The following ELMOD1 variants were observed in gnomAD, a reference collection of about 807,000 sequenced individuals.
ELMOD1 encodes the protein ELMO domain containing 1.
Under a neutral mutation model 46.7 loss-of-function variants are expected in ELMOD1, and 21 were observed. That is an observed-to-expected ratio of 0.45 (90% CI 0.32 to 0.65). ELMOD1 has a LOEUF of 0.65. ELMOD1 is among the 30% of genes least tolerant of loss of function. The pLI is 0.04. For missense variants in ELMOD1, 348 were observed against 407.8 expected (o/e 0.85, Z 1.26); for synonymous variants, 122 against 138.2 (o/e 0.88, Z 0.82).
chr11:107,648,728 T>C (rs1166976861), intron 7 of ELMOD1, among the ~76,000 whole-genome samples: 2 of 151,660 alleles, frequency 1.3e-5, no homozygotes, highest in African/African-American at 4.8e-5. Context: ...ATTCTCAGAG[T>C]CAGGAGTTAG....
intron 11 of ELMOD1, among the ~76,000 whole-genome samples, chr11:107,664,622 T>C (rs533161362): frequency 6.6e-6 from 1 of 152,312 alleles, no homozygotes; most frequent in South Asian, 2.1e-4. Flanking sequence ...TTACATCAAA[T>C]ATCAAGAGAA....
chr11:107,656,678 T>C (rs1482643276), intron 11 of ELMOD1, among the ~76,000 whole-genome samples: 2 of 152,078 alleles, frequency 1.3e-5, no homozygotes, highest in Non-Finnish European at 2.9e-5. Flanking sequence ...TTTCCTGCTC[T>C]TGCATAATCT....
intron 1 of ELMOD1, among the ~76,000 whole-genome samples, chr11:107,615,579 G>A (rs2135671073): frequency 6.6e-6 from 1 of 152,174 alleles, no homozygotes; most frequent in Admixed American, 6.5e-5. Flanking sequence ...CACAACTAAT[G>A]GACCAATACT....
intron 11 of ELMOD1, among the ~76,000 whole-genome samples, chr11:107,662,921 G>T (rs1866768646): frequency 6.6e-6 from 1 of 151,892 alleles, no homozygotes; most frequent in Admixed American, 6.6e-5. Flanking sequence ...TAGAAACGGG[G>T]TCTTCCTGTG....
chr11:107,604,471 A>G (rs1034755396), intron 1 of ELMOD1, among the ~76,000 whole-genome samples: 1 of 152,206 alleles, frequency 6.6e-6, no homozygotes, highest in Non-Finnish European at 1.5e-5. Flanking sequence ...ATTCTTATGC[A>G]GAAGCATCAC....
intron 5 of ELMOD1, among the ~76,000 whole-genome samples, chr11:107,633,415 G>A (rs1866174730): frequency 6.6e-6 from 1 of 152,042 alleles, no homozygotes; most frequent in African/African-American, 2.4e-5. Flanking sequence ...AATTACGACA[G>A]AGAAAATTTA....
chr11:107,617,427 C>T (rs1865881410), intron 1 of ELMOD1, among the ~76,000 whole-genome samples: 1 of 152,332 alleles, frequency 6.6e-6, no homozygotes, highest in South Asian at 2.1e-4. Flanking sequence ...CCCCTCTCAT[C>T]CTAACTTGCT....
chr11:107,623,838 T>C (rs564689502), intron 2 of ELMOD1: 2 of 152,336 alleles, frequency 1.3e-5, no homozygotes, highest in South Asian at 4.1e-4. Context: ...TCTCCCACTC[T>C]CATTTCTTCT....
At chr11:107,612,441 C>A (rs924272991) in intron 1 of ELMOD1, among the ~76,000 whole-genome samples, 1 of 152,138 alleles carries the variant, frequency 6.6e-6, no homozygotes, top group African/African-American at 2.4e-5. Flanking sequence ...TCGATTGTAC[C>A]TAAACCTCAG....
intron 7 of ELMOD1, among the ~76,000 whole-genome samples, chr11:107,649,695 G>A (rs759010490): frequency 4.6e-5 from 7 of 152,052 alleles, no homozygotes; most frequent in African/African-American, 7.2e-5. Flanking sequence ...GGATTGATGC[G>A]GGAAATATAC....
At chr11:107,598,433 A>G (rs763571046) in intron 1 of ELMOD1, among the ~76,000 whole-genome samples, 1 of 152,236 alleles carries the variant, frequency 6.6e-6, no homozygotes, top group African/African-American at 2.4e-5. Flanking sequence ...TACTGAGGCC[A>G]CCAATTCAAA....
chr11:107,610,099 A>G (rs564879479), intron 1 of ELMOD1, among the ~76,000 whole-genome samples: 10 of 152,338 alleles, frequency 6.6e-5, no homozygotes, highest in African/African-American at 2.4e-4. Context: ...GGTGTCCTAG[A>G]AAAGCATACA....
intron 2 of ELMOD1, among the ~76,000 whole-genome samples, chr11:107,622,931 CACAT>C (rs1261702961): frequency 6.6e-6 from 1 of 152,066 alleles, no homozygotes; most frequent in East Asian, 1.9e-4. Flanking sequence ...ATATATATGA[CACAT>C]ACATATATAA....
Position 107,665,159 on chromosome 11 carries a change from C to G in ELMOD1, c.967C>G (p.Pro323Ala), listed in dbSNP as rs1427420542. 2 of 1,613,970 alleles carry G rather than the reference C, an allele frequency of 1.2e-6. No individual in the cohort carries two copies. The highest frequency in any genetic ancestry group is 1.3e-5 in the African/African-American group (1 of 75,046). Residue 323 changes from proline to alanine, a missense_variant, in exon 12 of 12, where the codon CCA becomes GCA. Physicochemically the swap from Pro to Ala is conservative, Grantham distance 27. Transcript: ENST00000265840. The part of the protein sequence containing the change: ...QLQNPDMALC[P>A]HFAASEGLIN... The stretch of plus-strand genomic sequence containing the variant: ...GCAGAACCCAGACATGGCGCTGTGC[C>G]CACATTTTGCTGCCTCGGAAGGTTT...
At chr11:107,644,682 G>A (rs1346991471) in intron 6 of ELMOD1, among the ~76,000 whole-genome samples, 3 of 151,870 alleles carry the variant, frequency 2.0e-5, no homozygotes, top group East Asian at 3.9e-4. Flanking sequence ...TACCGTGTTA[G>A]CCAGGATGGT....
rs74760388 is a variant in ELMOD1, at chr11:107,650,287, G to A, written c.555-48G>A. 9.9e-5 allele frequency: 130 copies of A among 1,307,616 alleles called. No homozygotes were observed. The East Asian group carries it at 3.2e-3, about 32-fold the overall frequency. 81.0% of individuals were successfully genotyped at this position (1,307,616 alleles called of 1,614,324 possible). The stretch of plus-strand genomic sequence containing the variant: ...AATTGGATTAAAATGAATATATTCA[G>A]CGAGTAAGCAAGTATAGAGTTACGG... On this transcript the variant is annotated intron_variant, in intron 7 of 11. Coordinates refer to ENST00000265840, the MANE Select transcript of ELMOD1 (RefSeq NM_018712.4).
rs755627533 is a variant in ELMOD1, at chr11:107,635,700, G to A, written c.355G>A (p.Val119Met). 7 of 1,613,958 alleles carry A rather than the reference G, an allele frequency of 4.3e-6. No individual in the cohort carries two copies. The highest frequency in any genetic ancestry group is 5.9e-6 in the Non-Finnish European group (7 of 1,179,844). Residue 119 changes from valine (V) to methionine (M), a missense_variant, in exon 6 of 12, where the codon GTG becomes ATG. Coordinates refer to ENST00000265840, the MANE Select transcript of ELMOD1 (RefSeq NM_018712.4). The part of the protein sequence containing the change: ...IVGYRNLIAD[V>M]EKLRREAYDS... ...TGGGTACAGGAACCTTATTGCAGAT[G>A]TGGAAAAACTGCGTAGAGAGGCCTA...
At chr11:107,634,074 A>G (rs913161213) in intron 5 of ELMOD1, among the ~76,000 whole-genome samples, 1 of 152,126 alleles carries the variant, frequency 6.6e-6, no homozygotes, top group African/African-American at 2.4e-5. Flanking sequence ...AAATATGATG[A>G]TGTACAGTGA....
intron 11 of ELMOD1, among the ~76,000 whole-genome samples, chr11:107,659,868 C>T (rs896381301): frequency 4.6e-5 from 7 of 152,026 alleles, no homozygotes; most frequent in African/African-American, 1.5e-4. Flanking sequence ...TTGAGACCAA[C>T]CTGGGTAACA....
Sources: gnomAD v4.1 joint callset for allele counts (sites outside exome capture counted in the v4.1 genomes callset) on GRCh38, gnomAD v4.1.1 for gene constraint, MANE v1.5 for transcripts, NCBI Gene and HGNC (gene_info 2026-07-23, HGNC 2026-07-21) for gene names.